The following TRPM3 variants were observed in gnomAD, a reference collection of about 807,000 sequenced individuals.
The protein encoded by TRPM3 is long transient receptor potential channel 3.
TRPM3 carries 77 observed loss-of-function variants against 181.2 expected under a neutral mutation model. The observed-to-expected ratio is 0.42, with a 90% CI of 0.35 to 0.51. The LOEUF (loss-of-function observed/expected upper bound fraction) is 0.51, where lower values mean the gene tolerates loss of function less well. Ranked by LOEUF, TRPM3 falls within the 20% of genes least tolerant of loss-of-function variation. TRPM3 has a pLI of 0.01. For missense variants in TRPM3, 1,759 were observed against 2,196.7 expected (o/e 0.80, Z 3.98); for synonymous variants, 745 against 796.4 (o/e 0.94, Z 1.09).
At chr9:71,436,283 CTTTTTTTTTTCTTTCTTTTTTTTTTT>C (rs1563929951) in intron 1 of TRPM3, among the ~76,000 whole-genome samples, 1 of 136,418 alleles carries the variant, frequency 7.3e-6, no homozygotes, top group East Asian at 2.2e-4. Context: ...TTAAACCTCT[CTTTTTTTTTTCTTTCTTTTTTTTTTT>C]TTTTTTTTTT....
Position 70,610,841 on chromosome 9 carries a change from A to G in TRPM3, c.2527-92T>C, listed in dbSNP as rs972782410. 6 of 1,492,164 alleles carry G rather than the reference A, an allele frequency of 4.0e-6. No homozygotes were observed. The Admixed American group carries it at 5.8e-5, about 15-fold the overall frequency. The allele number at this position is 1,492,164 out of a possible 1,614,324, so 92.4% of individuals were successfully genotyped here. A position where few individuals can be genotyped will look rare whatever the true frequency, so the allele number is the denominator to read the frequency against. ...CTTTACAGATGAGGAAAGGATGCTC[A>G]TAGAACCTAAGAACCCAAGGCCCCA... On this transcript the variant is annotated intron_variant, in intron 18 of 25. Coordinates refer to ENST00000677713, the MANE Select transcript of TRPM3 (RefSeq NM_001366145.2).
intron 17 of TRPM3, among the ~76,000 whole-genome samples, chr9:70,618,618 C>T (rs548152134): frequency 2.0e-4 from 30 of 152,254 alleles, no homozygotes; most frequent in African/African-American, 6.7e-4. Context: ...TTGACTCCTC[C>T]GAAAAATATT....
intron 1 of TRPM3, among the ~76,000 whole-genome samples, chr9:71,104,526 T>C (rs1474181415): frequency 6.6e-6 from 1 of 152,176 alleles, no homozygotes; most frequent in Non-Finnish European, 1.5e-5. Flanking sequence ...TCCTGCTTTA[T>C]TCAACCTGTC....
At chr9:70,760,883 G>A (rs1447179797) in intron 8 of TRPM3, 3 of 152,360 alleles carry the variant, frequency 2.0e-5, no homozygotes, top group Admixed American at 2.0e-4. Context: ...CTAATCAAAT[G>A]AGCCGGGTTT....
At position 71,328,876 on chromosome 9, in the gene TRPM3, T is replaced by G. The variant is rs74945441; in HGVS notation, c.183+117777A>C. 8.8e-3 allele frequency among the ~76,000 whole-genome samples: 1,344 copies of G among 152,354 alleles called. 14 individuals are homozygous for G. Among genetic ancestry groups the G allele is most frequent in the African/African-American group, 0.027 (1,137 of 41,576 alleles). ...CCTTCAATGCTGTCACAGAAAGCAA[T>G]GTATCCCTATAACCATTCCCAGAGG... is the stretch of plus-strand genomic sequence containing the variant. On this transcript the variant is annotated intron_variant, in intron 1 of 24. Coordinates refer to the TRPM3 transcript ENST00000357533.
chr9:70,776,454 T>C (rs563415829), intron 7 of TRPM3: 1 of 712,888 alleles, frequency 1.4e-6, no homozygotes, highest in South Asian at 1.5e-5. Flanking sequence ...CTTCCTTTTT[T>C]CTTTCTCTTT....
chr9:70,964,786 G>A (rs541887732), intron 1 of TRPM3, among the ~76,000 whole-genome samples: 1 of 152,032 alleles, frequency 6.6e-6, no homozygotes, highest in Non-Finnish European at 1.5e-5. Context: ...CTGCTTAGGT[G>A]TCTAGTTCTA....
chr9:71,095,671 A>C (rs780414739), intron 1 of TRPM3, among the ~76,000 whole-genome samples: 7 of 147,332 alleles, frequency 4.8e-5, no homozygotes, highest in Admixed American at 2.8e-4. Flanking sequence ...AGGCAGGAGA[A>C]TTGCTTGAAC....
intron 3 of TRPM3, among the ~76,000 whole-genome samples, chr9:70,848,342 A>T (rs1022771327): frequency 6.6e-6 from 1 of 152,172 alleles, no homozygotes; most frequent in Non-Finnish European, 1.5e-5. Flanking sequence ...GAAAACATGA[A>T]AGGAAAATAA....
intron 6 of TRPM3, among the ~76,000 whole-genome samples, chr9:70,805,751 T>C (rs573023611): frequency 6.6e-6 from 1 of 152,274 alleles, no homozygotes; most frequent in South Asian, 2.1e-4. Flanking sequence ...CTGCTTTACA[T>C]GTGCAAAAAT....
intron 1 of TRPM3, among the ~76,000 whole-genome samples, chr9:70,892,079 G>C (rs1283479035): frequency 1.3e-5 from 2 of 151,810 alleles, no homozygotes; most frequent in Admixed American, 6.6e-5. Context: ...GATTTACGAG[G>C]AAAAAAAGGG....
intron 21 of TRPM3, among the ~76,000 whole-genome samples, chr9:70,596,397 G>A (rs1320414472): frequency 6.6e-6 from 1 of 152,100 alleles, no homozygotes; most frequent in Non-Finnish European, 1.5e-5. Flanking sequence ...CATAAATATT[G>A]AGTTAGCAAT....
intron 1 of TRPM3, among the ~76,000 whole-genome samples, chr9:71,036,258 T>C (rs940545319): frequency 5.3e-5 from 8 of 152,206 alleles, no homozygotes; most frequent in Non-Finnish European, 1.2e-4. Context: ...AGTGTGACTG[T>C]AATTGCTTCT....
At chr9:70,660,041 C>T (rs1234392109) in intron 9 of TRPM3, among the ~76,000 whole-genome samples, 1 of 152,112 alleles carries the variant, frequency 6.6e-6, no homozygotes, top group African/African-American at 2.4e-5. Flanking sequence ...TAAAAATGAG[C>T]TTTCCTAACA....
chr9:71,278,815 G>A (rs7848661), intron 1 of TRPM3, among the ~76,000 whole-genome samples: 37,932 of 151,738 alleles, frequency 0.25, 5,633 homozygotes, highest in African/African-American at 0.4. Context: ...ATATCCATAT[G>A]TAACACATAT....
At chr9:71,359,459 T>G (rs970164895) in intron 1 of TRPM3, among the ~76,000 whole-genome samples, 1 of 152,208 alleles carries the variant, frequency 6.6e-6, no homozygotes, top group Non-Finnish European at 1.5e-5. Context: ...TTAATTCATC[T>G]CATTTAAACC....
chr9:71,144,475 T>C (rs999823052), intron 1 of TRPM3, among the ~76,000 whole-genome samples: 3 of 152,196 alleles, frequency 2.0e-5, no homozygotes, highest in African/African-American at 4.8e-5. Context: ...AGAATTGTTA[T>C]TGTACCCTTA....
chr9:70,932,000 G>A (rs1249450583), intron 1 of TRPM3, among the ~76,000 whole-genome samples: 4 of 152,132 alleles, frequency 2.6e-5, no homozygotes, highest in Non-Finnish European at 4.4e-5. Flanking sequence ...GAAGGTACAG[G>A]ACAACAGCAG....
intron 1 of TRPM3, among the ~76,000 whole-genome samples, chr9:71,420,551 A>AAGAAAGAGAAAGAAAAAGAGAAG (rs1383733937): frequency 2.0e-5 from 3 of 151,032 alleles, no homozygotes; most frequent in South Asian, 2.1e-4. Flanking sequence ...GAAAAAGAGA[A>AAGAAAGAGAAAGAAAAAGAGAAG]AGAAAGAGAA....
Sources: gnomAD v4.1 joint callset for allele counts (sites outside exome capture counted in the v4.1 genomes callset) on GRCh38, gnomAD v4.1.1 for gene constraint, MANE v1.5 for transcripts, NCBI Gene and HGNC (gene_info 2026-07-23, HGNC 2026-07-21) for gene names.